The following PRKD1 variants were observed in gnomAD, a reference collection of about 807,000 sequenced individuals.
PRKD1 encodes the protein serine/threonine-protein kinase D1.
A neutral mutation model predicts 95.9 loss-of-function variants in PRKD1; 63 were observed. That is an observed-to-expected ratio of 0.66 (90% CI 0.54 to 0.81). The LOEUF (loss-of-function observed/expected upper bound fraction) is 0.81. PRKD1 is among the 30% of genes least tolerant of loss of function. The pLI, the probability that PRKD1 is intolerant of heterozygous loss-of-function variation, is 0.00. For synonymous variants in PRKD1, 425 were observed against 423.1 expected (o/e 1.00, Z -0.05); for missense variants, 1,048 against 1,165.3 (o/e 0.90, Z 1.47).
chr14:29,768,820 G>C (rs1424411700), intron 1 of PRKD1, among the ~76,000 whole-genome samples: 1 of 151,940 alleles, frequency 6.6e-6, no homozygotes. Context: ...TCATGGCCAT[G>C]TTACTCTGAA....
chr14:29,819,998 G>C (rs1890848439), intron 1 of PRKD1, among the ~76,000 whole-genome samples: 1 of 152,294 alleles, frequency 6.6e-6, no homozygotes, highest in East Asian at 1.9e-4. Context: ...AGTCTCAAAA[G>C]ATGTTGGTCC....
At chr14:29,834,842 A>C (rs1042000806) in intron 1 of PRKD1, among the ~76,000 whole-genome samples, 1 of 152,186 alleles carries the variant, frequency 6.6e-6, no homozygotes, top group African/African-American at 2.4e-5. Context: ...ATCCATGTTA[A>C]GTAATTAGCC....
chr14:29,676,176 C>CTTTTTTTTT (rs1566532166), intron 2 of PRKD1, among the ~76,000 whole-genome samples: 7 of 62,244 alleles, frequency 1.1e-4, no homozygotes, highest in African/African-American at 6.5e-4. Context: ...TAGTTCATTA[C>CTTTTTTTTT]GTTTTTGTTT....
At chr14:29,682,979 G>T (rs955052874) in intron 2 of PRKD1, among the ~76,000 whole-genome samples, 1 of 152,166 alleles carries the variant, frequency 6.6e-6, no homozygotes, top group Non-Finnish European at 1.5e-5. Flanking sequence ...GGGGAGCCAG[G>T]CCTTGTGTAG....
At chr14:29,580,590 C>G (rs1323523224) in intron 16 of PRKD1, among the ~76,000 whole-genome samples, 1 of 152,064 alleles carries the variant, frequency 6.6e-6, no homozygotes, top group Non-Finnish European at 1.5e-5. Flanking sequence ...ATAGGTCCGT[C>G]ATTTGTAGTT....
intron 1 of PRKD1, among the ~76,000 whole-genome samples, chr14:29,843,458 T>C (rs1287799403): frequency 6.6e-6 from 1 of 152,134 alleles, no homozygotes; most frequent in Admixed American, 6.6e-5. Context: ...GCTGCAGATA[T>C]TGACAAAAAA....
chr14:29,612,445 T>G (rs920432841), intron 13 of PRKD1, among the ~76,000 whole-genome samples: 1 of 152,158 alleles, frequency 6.6e-6, no homozygotes, highest in African/African-American at 2.4e-5. Flanking sequence ...ATTTTTAAAA[T>G]GCTTTATATA....
chr14:29,680,319 G>A (rs1420813233), intron 2 of PRKD1, among the ~76,000 whole-genome samples: 2 of 152,118 alleles, frequency 1.3e-5, no homozygotes, highest in African/African-American at 2.4e-5. Flanking sequence ...CCCCAACTAC[G>A]TGGATTAAAC....
Position 29,663,761 on chromosome 14 carries a change from C to T in PRKD1, c.634G>A (p.Val212Ile), listed in dbSNP as rs1479982933. ...RRLSNVSLTG[V>I]STIRTSSAEL... ...GCAGATGATGTGCGGATGGTGCTGA[C>T]CCCAGTGAGGGAAACGTTTGAGAGC... Residue 212 changes from valine (V) to isoleucine (I), a missense_variant, in exon 4 of 18, where the codon GTC becomes ATC. Val to Ile is a conservative substitution (Grantham distance 29, BLOSUM62 3). Coordinates refer to ENST00000331968, the MANE Select transcript of PRKD1 (RefSeq NM_002742.3). 1 of 1,614,068 alleles carries T rather than the reference C, an allele frequency of 6.2e-7. No individual in the cohort carries two copies. Among genetic ancestry groups the T allele is most frequent in the East Asian group, 2.2e-5 (1 of 44,872 alleles).
intron 1 of PRKD1, among the ~76,000 whole-genome samples, chr14:29,924,212 A>AT (rs45460796): frequency 3.2e-4 from 49 of 152,274 alleles, no homozygotes; most frequent in Middle Eastern, 3.4e-3. Context: ...GCAAGACTAG[A>AT]TTTTTCACCT....
At chr14:29,774,624 A>G (rs756257067) in intron 1 of PRKD1, among the ~76,000 whole-genome samples, 3 of 152,230 alleles carry the variant, frequency 2.0e-5, no homozygotes, top group Non-Finnish European at 4.4e-5. Flanking sequence ...AATTTGGGAC[A>G]CAAGTAGTTG....
At chr14:29,854,908 G>A (rs1273044702) in intron 1 of PRKD1, among the ~76,000 whole-genome samples, 1 of 152,202 alleles carries the variant, frequency 6.6e-6, no homozygotes, top group African/African-American at 2.4e-5. Flanking sequence ...CCCAAGTCTT[G>A]GCAGCTTCCA....
intron 2 of PRKD1, among the ~76,000 whole-genome samples, chr14:29,700,988 G>GCGCGCGCGCACACACACA (rs140824053): frequency 1.1e-5 from 1 of 90,568 alleles, no homozygotes; most frequent in Non-Finnish European, 2.5e-5. Context: ...GCGCGCGCGC[G>GCGCGCGCGCACACACACA]CACACACACA....
chr14:29,902,749 T>C (rs2139431965), intron 1 of PRKD1, among the ~76,000 whole-genome samples: 1 of 152,358 alleles, frequency 6.6e-6, no homozygotes, highest in South Asian at 2.1e-4. Flanking sequence ...TTTATATTAG[T>C]AGTTCGTTAT....
At chr14:29,670,994 C>T (rs1280346814) in intron 2 of PRKD1, among the ~76,000 whole-genome samples, 1 of 151,882 alleles carries the variant, frequency 6.6e-6, no homozygotes, top group Non-Finnish European at 1.5e-5. Context: ...AACATCTGAC[C>T]AGAAAATTGT....
At chr14:29,882,914 A>G (rs1893565306) in intron 1 of PRKD1, among the ~76,000 whole-genome samples, 1 of 152,178 alleles carries the variant, frequency 6.6e-6, no homozygotes, top group South Asian at 2.1e-4. Flanking sequence ...TTCGTCCATC[A>G]ATGGAACTTG....
At chr14:29,628,323 G>GATAC (rs1191020816) in intron 11 of PRKD1, among the ~76,000 whole-genome samples, 3 of 152,196 alleles carry the variant, frequency 2.0e-5, no homozygotes, top group African/African-American at 7.2e-5. Flanking sequence ...TTTGGCCATA[G>GATAC]ATACAGCAGG....
At chr14:29,775,717 G>C (rs982965767) in intron 1 of PRKD1, among the ~76,000 whole-genome samples, 2 of 152,128 alleles carry the variant, frequency 1.3e-5, no homozygotes, top group African/African-American at 4.8e-5. Context: ...CCATCTCTGG[G>C]GGCAGGGCAT....
chr14:29,921,016 T>G (rs535508240), intron 1 of PRKD1, among the ~76,000 whole-genome samples: 1 of 152,222 alleles, frequency 6.6e-6, no homozygotes, highest in African/African-American at 2.4e-5. Flanking sequence ...ATTTTGGTCT[T>G]GAGAACCAGA....
Sources: gnomAD v4.1 joint callset for allele counts (sites outside exome capture counted in the v4.1 genomes callset) on GRCh38, gnomAD v4.1.1 for gene constraint, MANE v1.5 for transcripts, NCBI Gene and HGNC (gene_info 2026-07-23, HGNC 2026-07-21) for gene names.